SLC9A6: variants seen among roughly 807,000 people sequenced by gnomAD.
SLC9A6 encodes sodium/hydrogen exchanger 6.
A neutral mutation model predicts 45.3 loss-of-function variants in SLC9A6; 6 were observed. The ratio of observed to expected loss-of-function variants is 0.13; its 90% CI spans 0.07 to 0.26. The LOEUF (loss-of-function observed/expected upper bound fraction) is 0.26. Ranked by LOEUF, SLC9A6 falls within the 10% of genes least tolerant of loss-of-function variation. SLC9A6 has a pLI of 1.00. For missense variants in SLC9A6, 278 were observed against 503.7 expected (o/e 0.55, Z 4.29); for synonymous variants, 191 against 187.7 (o/e 1.02, Z -0.14).
Position 135,998,536 on chromosome X carries a change from G to A in SLC9A6, c.502G>A (p.Ala168Thr). The A allele has an allele frequency of 2.5e-6, 3 of 1,187,242 alleles. No homozygotes were observed. Among genetic ancestry groups the A allele is most frequent in the Non-Finnish European group, 3.4e-6 (3 of 880,377 alleles). The change falls in exon 5 of 18, where the codon GCA becomes ACA. Residue 168 changes from alanine to threonine, a missense_variant. This residue lies in a region of SLC9A6 where 118 missense variants were observed against 209.9 expected (regional missense o/e 0.56). Coordinates refer to ENST00000630721, the MANE Select transcript of SLC9A6 (RefSeq NM_001379110.1). ...CCTAGCATACGCTTTTCTTGGAACA[G>A]CAATTTCTTGTTTCGTTATTGGGTA... is the stretch of plus-strand genomic sequence containing the variant. The part of the protein sequence containing the change: ...SILAYAFLGT[A>T]ISCFVIGSIM...
intron 17 of SLC9A6, among the ~76,000 whole-genome samples, chrX:136,043,065 TAATAAAG>T (rs1414276362): frequency 8.9e-6 from 1 of 112,100 alleles, no homozygotes; most frequent in Non-Finnish European, 1.9e-5. Flanking sequence ...ACCTCAAACT[TAATAAAG>T]ACACTAGAAG....
At chrX:136,003,891 C>G (rs1556617633) in intron 7 of SLC9A6, among the ~76,000 whole-genome samples, 2 of 110,729 alleles carry the variant, frequency 1.8e-5, no homozygotes, top group Non-Finnish European at 3.8e-5. Context: ...CATTTTTAAT[C>G]TCTAGAAGTG....
intron 3 of SLC9A6, among the ~76,000 whole-genome samples, chrX:135,996,869 C>G (rs1556616586): frequency 9.1e-6 from 1 of 109,380 alleles, no homozygotes; most frequent in East Asian, 2.9e-4. Flanking sequence ...TGGGTTCACG[C>G]CGTTCTCCTG....
chrX:136,046,724 T>A lies in SLC9A6; in HGVS notation c.*2000T>A, dbSNP rs1235234595. The A allele has an allele frequency of 1.8e-5, 2 of 112,417 alleles. No individual in the cohort carries two copies. Among genetic ancestry groups the A allele is most frequent in the Non-Finnish European group, 3.8e-5 (2 of 53,269 alleles). 9.3% of individuals were successfully genotyped at this position (112,417 alleles called of 1,213,427 possible). ...CAAGGGGAACCAAGCCTGCTGTGCTTACATCAGCATCTGGAAGACTTTCCT... is the reference window on the plus strand; with the variant it reads ...CAAGGGGAACCAAGCCTGCTGTGCTAACATCAGCATCTGGAAGACTTTCCT... On this transcript the variant is annotated 3_prime_UTR_variant, in exon 18 of 18. Transcript: ENST00000630721.
At chrX:136,006,656 T>TACGTTGC (rs1423543366) in intron 7 of SLC9A6, among the ~76,000 whole-genome samples, 35 of 110,837 alleles carry the variant, frequency 3.2e-4, no homozygotes, top group African/African-American at 1.1e-3. Context: ...AGATAAAGTA[T>TACGTTGC]ACGTTGCATA....
exon 1 of SLC9A6, chrX:135,974,676 A>C (rs782387948): frequency 8.8e-6 from 3 of 339,756 alleles, no homozygotes; most frequent in African/African-American, 2.7e-5. Flanking sequence ...CTGGCACTGC[A>C]GAAGGAGGCA....
rs1016738514 is a variant in SLC9A6 at position 136,031,960 on chromosome X, C to G, written c.1582-1454C>G. Among the ~76,000 whole-genome samples the G allele has an allele frequency of 1.2e-3, 138 of 112,452 alleles. 1 individual carries two copies. Among genetic ancestry groups the G allele is most frequent in the African/African-American group, 4.4e-3 (137 of 30,987 alleles). Reference sequence around the variant, plus strand: ...GTTATATATAAGTTGATACATGACACGTGACACGTTGAAGCAGAGAGAAAT... The same window carrying G: ...GTTATATATAAGTTGATACATGACAGGTGACACGTTGAAGCAGAGAGAAAT... On this transcript the variant is annotated intron_variant, in intron 15 of 17. Transcript: ENST00000630721.
In SLC9A6 at chrX:136,044,624, A is replaced by C. The variant is rs1435072284; in HGVS notation, c.1940A>C (p.Asp647Ala). 8.3e-7 allele frequency: 1 copy of C among 1,210,565 alleles called. No homozygotes were observed. The highest frequency in any genetic ancestry group is 2.2e-5 in the Admixed American group (1 of 46,011). Residue 647 changes from aspartate (D) to alanine (A), a missense_variant, in exon 18 of 18, where the codon GAC (aspartate) becomes GCC (alanine). Coordinates refer to ENST00000630721, the MANE Select transcript of SLC9A6 (RefSeq NM_001379110.1). ...DALDRELAFG[D>A]HELVIRGTRL... ...TTGGATCGGGAGCTTGCATTTGGGG[A>C]CCATGAACTGGTCATTCGAGGAACA...
At chrX:135,998,067 C>A in intron 3 of SLC9A6, 41 bp from the exon 4 acceptor site, 1 of 707,796 alleles carries the variant, frequency 1.4e-6, no homozygotes, top group South Asian at 2.1e-5. Context: ...AATATGAGGT[C>A]TTCTAGGGAA....
rs1239721368 is a variant in SLC9A6, at chrX:135,988,497, CT to C, written c.169+2674del. Among the ~76,000 whole-genome samples, 71 of 84,769 alleles carry C rather than the reference CT, an allele frequency of 8.4e-4. No homozygotes were observed. The South Asian group carries it at 8.6e-3, about 10-fold the overall frequency. 73.6% of individuals were successfully genotyped at this position (84,769 alleles called of 115,157 possible). A position where few individuals can be genotyped will look rare whatever the true frequency, so the allele number is the denominator to read the frequency against. ...CTTTTCTTTCTTTCTTTCTTTCTTT[CT>C]TTTCTTTCTTTCTTTCTCTCTCTTT... is the stretch of plus-strand genomic sequence containing the variant. On this transcript the variant is annotated intron_variant, in intron 2 of 17. Transcript: ENST00000630721.
intron 9 of SLC9A6, 41 bp downstream of exon 9, chrX:136,013,095 AGTGAC>A: frequency 1.0e-6 from 1 of 986,812 alleles, no homozygotes; most frequent in Non-Finnish European, 1.4e-6. Context: ...CCTTAAAAGG[AGTGAC>A]TTTGCCAGTC....
At chrX:136,030,065 T>C in intron 14 of SLC9A6, 67 bp from the exon 15 acceptor site, 1 of 987,129 alleles carries the variant, frequency 1.0e-6, no homozygotes, top group Non-Finnish European at 1.4e-6. Context: ...TGCCTGACAA[T>C]GTATATGTGT....
chrX:135,975,404 C>T (rs1304494876), intron 1 of SLC9A6: 1 of 112,184 alleles, frequency 8.9e-6, no homozygotes, highest in Non-Finnish European at 1.9e-5. Context: ...TCCTGACCAC[C>T]CCTTTTAAAT....
intron 15 of SLC9A6, among the ~76,000 whole-genome samples, chrX:136,030,859 G>A (rs781902631): frequency 8.0e-5 from 9 of 112,053 alleles, no homozygotes; most frequent in Non-Finnish European, 1.7e-4. Context: ...CATATCAGAC[G>A]TTAGATGAGA....
chrX:136,016,926 C>A (rs182113272), intron 11 of SLC9A6, among the ~76,000 whole-genome samples, 168 bp downstream of exon 11: 21 of 111,520 alleles, frequency 1.9e-4, no homozygotes, highest in Non-Finnish European at 3.2e-4. Flanking sequence ...TTATTATATT[C>A]TATTTCAATT....
upstream of SLC9A6, chrX:135,983,444 G>A (rs1174716462): frequency 1.8e-5 from 2 of 109,697 alleles, no homozygotes; most frequent in Non-Finnish European, 3.8e-5. Context: ...GTAGCAAGAG[G>A]AGAAACCCGG....
At position 136,022,651 on chromosome X, in the gene SLC9A6, A is replaced by G. The variant is rs782356683; in HGVS notation, c.1260A>G (p.Arg420=). The change falls in exon 12 of 18, where the codon AGA becomes AGG. Residue 420 remains arginine (R), a synonymous_variant. Transcript: ENST00000630721. ...YPLSLLLNLG[R]RSKIGSNFQH... ...TGTCCCTCTTACTTAATTTGGGTAG[A>G]AGAAGTAAGATTGGATCAAATTTTC... is the stretch of plus-strand genomic sequence containing the variant. 1.7e-6 allele frequency: 2 copies of G among 1,197,644 alleles called. No homozygotes were observed. The highest frequency in any genetic ancestry group is 1.8e-5 in the South Asian group (1 of 56,689).
chrX:136,014,626 G>A (rs1438954666), intron 10 of SLC9A6, among the ~76,000 whole-genome samples: 1 of 112,770 alleles, frequency 8.9e-6, no homozygotes, highest in Admixed American at 9.3e-5. Context: ...TTAGCCGGAT[G>A]TAGTGGCTTG....
chrX:135,990,390 C>T (rs782601429), intron 2 of SLC9A6, among the ~76,000 whole-genome samples: 8 of 111,848 alleles, frequency 7.2e-5, no homozygotes, highest in African/African-American at 2.6e-4. Flanking sequence ...CTGCTTTAGT[C>T]TCTTAACAAA....
Sources: allele counts gnomAD v4.1 joint callset (sites outside exome capture counted in the v4.1 genomes callset), GRCh38; gene constraint gnomAD v4.1.1; regional missense constraint gnomAD v4.1.1; transcripts MANE v1.5; gene names NCBI Gene and HGNC (gene_info 2026-07-23, HGNC 2026-07-21).